ZSWIM6: variants seen among roughly 807,000 people sequenced by gnomAD.
ZSWIM6 encodes zinc finger SWIM-type containing 6.
ZSWIM6 carries 9 observed loss-of-function variants against 113.2 expected under a neutral mutation model. The observed-to-expected ratio is 0.08, with a 90% CI of 0.05 to 0.14. ZSWIM6 has a LOEUF of 0.14. Ranked by LOEUF, ZSWIM6 falls within the 10% of genes least tolerant of loss-of-function variation. The pLI is 1.00. For missense variants in ZSWIM6, 1,162 were observed against 1,552.2 expected (o/e 0.75, Z 4.22); for synonymous variants, 611 against 606.5 (o/e 1.01, Z -0.11).
intron 1 of ZSWIM6, among the ~76,000 whole-genome samples, chr5:61,388,431 A>C (rs1745635390): frequency 6.6e-6 from 1 of 152,232 alleles, no homozygotes; most frequent in South Asian, 2.1e-4. Flanking sequence ...AAAACAAAAC[A>C]AAAAACCTAC....
intron 1 of ZSWIM6, among the ~76,000 whole-genome samples, chr5:61,410,094 T>C (rs1236972899): frequency 6.6e-6 from 1 of 152,150 alleles, no homozygotes; most frequent in Non-Finnish European, 1.5e-5. Context: ...ACAATCACTG[T>C]GATTTCACCT....
chr5:61,443,997 G>T (rs1452463798), intron 1 of ZSWIM6, among the ~76,000 whole-genome samples: 1 of 151,904 alleles, frequency 6.6e-6, no homozygotes. Context: ...TGCACAATGT[G>T]CAGGTTTGTT....
At chr5:61,440,981 G>A (rs1214583668) in intron 1 of ZSWIM6, among the ~76,000 whole-genome samples, 1 of 152,176 alleles carries the variant, frequency 6.6e-6, no homozygotes, top group Admixed American at 6.5e-5. Context: ...TTTTTTGTGT[G>A]TGGGGCTGAT....
intron 4 of ZSWIM6, among the ~76,000 whole-genome samples, chr5:61,516,535 T>TA (rs1748946466): frequency 4.1e-5 from 6 of 145,186 alleles, no homozygotes; most frequent in Admixed American, 2.1e-4. Context: ...TATATATATC[T>TA]TATATATATA....
chr5:61,455,069 T>G (rs747263903), intron 1 of ZSWIM6, among the ~76,000 whole-genome samples: 45 of 151,948 alleles, frequency 3.0e-4, no homozygotes, highest in Non-Finnish European at 4.6e-4. Context: ...GGTATTTGTC[T>G]TGGGGAAAAA....
intron 2 of ZSWIM6, among the ~76,000 whole-genome samples, chr5:61,477,551 G>A (rs531943484): frequency 6.6e-6 from 1 of 152,236 alleles, no homozygotes; most frequent in African/African-American, 2.4e-5. Context: ...ATTTCAATTT[G>A]TTTGAGCATG....
chr5:61,516,629 A>G (rs991663525), intron 4 of ZSWIM6, among the ~76,000 whole-genome samples: 6 of 150,758 alleles, frequency 4.0e-5, no homozygotes, highest in East Asian at 1.9e-4. Context: ...CAGTACCTCT[A>G]TGTGCATTTA....
chr5:61,363,674 A>G (rs1457663920), intron 1 of ZSWIM6, among the ~76,000 whole-genome samples: 1 of 152,230 alleles, frequency 6.6e-6, no homozygotes, highest in Non-Finnish European at 1.5e-5. Flanking sequence ...TACTTTGCTA[A>G]TATGAGCACT....
chr5:61,520,797 A>G (rs528584879), intron 4 of ZSWIM6, among the ~76,000 whole-genome samples: 14 of 152,268 alleles, frequency 9.2e-5, no homozygotes, highest in Non-Finnish European at 1.6e-4. Flanking sequence ...AGTAAATTCA[A>G]TTTTTGTGCA....
intron 1 of ZSWIM6, among the ~76,000 whole-genome samples, chr5:61,421,719 G>A (rs1374792719): frequency 3.9e-5 from 6 of 152,182 alleles, no homozygotes; most frequent in African/African-American, 1.4e-4. Context: ...TTATAAGTGA[G>A]AACATGTTTT....
At chr5:61,489,317 T>A (rs954910549) in intron 2 of ZSWIM6, among the ~76,000 whole-genome samples, 1 of 151,954 alleles carries the variant, frequency 6.6e-6, no homozygotes, top group Non-Finnish European at 1.5e-5. Flanking sequence ...GATGATAGAG[T>A]CTTCCATCAC....
intron 1 of ZSWIM6, among the ~76,000 whole-genome samples, chr5:61,361,232 G>A (rs1271153521): frequency 6.6e-5 from 10 of 152,052 alleles, no homozygotes; most frequent in Non-Finnish European, 1.3e-4. Flanking sequence ...TGTGAGATTG[G>A]TAGTTACCTT....
At chr5:61,382,429 G>A (rs1220847309) in intron 1 of ZSWIM6, among the ~76,000 whole-genome samples, 1 of 152,192 alleles carries the variant, frequency 6.6e-6, no homozygotes, top group Non-Finnish European at 1.5e-5. Context: ...AGATTTTAAT[G>A]ATGCCAACGG....
chr5:61,332,939 C>T lies in ZSWIM6; in HGVS notation c.667C>T (p.Leu223=), dbSNP rs1236492933. Reference sequence around the variant, plus strand: ...GGAAAGCGGCTGCGTAGACAACGTCCTGCAAGTCGGTGAGTCACGGGGCAG... The same window carrying T: ...GGAAAGCGGCTGCGTAGACAACGTCTTGCAAGTCGGTGAGTCACGGGGCAG... ...LLESGCVDNV[L]QVGFHLSGTV... is the part of the protein sequence containing the mutation. The change falls in exon 1 of 14, where the codon CTG becomes TTG. Residue 223 remains leucine, a synonymous_variant. Transcript: ENST00000252744. The T allele has an allele frequency of 3.7e-5, 50 of 1,347,004 alleles. No individual in the cohort carries two copies. The highest frequency in any genetic ancestry group is 2.4e-4 in the Middle Eastern group (1 of 4,170). 83.4% of individuals were successfully genotyped at this position (1,347,004 alleles called of 1,614,324 possible). A position where few individuals can be genotyped will look rare whatever the true frequency, so the allele number is the denominator to read the frequency against.
chr5:61,391,634 C>T, intron 1 of ZSWIM6: 1 of 950,268 alleles, frequency 1.1e-6, no homozygotes, highest in Non-Finnish European at 1.7e-6. Flanking sequence ...GGTGGTATCT[C>T]CACAATGGTC....
chr5:61,520,220 T>C (rs1043756778), intron 4 of ZSWIM6, among the ~76,000 whole-genome samples: 2 of 152,216 alleles, frequency 1.3e-5, no homozygotes, highest in African/African-American at 2.4e-5. Context: ...ACCATTATTA[T>C]GCATTTAACA....
At chr5:61,452,009 C>CA (rs1747095459) in intron 1 of ZSWIM6, among the ~76,000 whole-genome samples, 17 of 152,070 alleles carry the variant, frequency 1.1e-4, no homozygotes, top group Admixed American at 9.2e-4. Flanking sequence ...GCTACTCAAC[C>CA]TTAACAATGT....
chr5:61,424,969 C>T (rs1387853895), intron 1 of ZSWIM6, among the ~76,000 whole-genome samples: 2 of 152,092 alleles, frequency 1.3e-5, no homozygotes, highest in Admixed American at 6.6e-5. Context: ...CCACCTGCCT[C>T]GGGCTCCCAA....
At chr5:61,411,573 G>T (rs1746149117) in intron 1 of ZSWIM6, among the ~76,000 whole-genome samples, 1 of 152,094 alleles carries the variant, frequency 6.6e-6, no homozygotes, top group South Asian at 2.1e-4. Flanking sequence ...ATCCACTCAG[G>T]CTCCTATAAC....
Sources: gnomAD v4.1 joint callset for allele counts (sites outside exome capture counted in the v4.1 genomes callset) on GRCh38, gnomAD v4.1.1 for gene constraint, MANE v1.5 for transcripts, NCBI Gene and HGNC (gene_info 2026-07-23, HGNC 2026-07-21) for gene names.